The following NELL1 variants were observed in gnomAD, a reference collection of about 807,000 sequenced individuals.
The protein encoded by NELL1 is neural EGFL like 1.
Under a neutral mutation model 107.4 loss-of-function variants are expected in NELL1, and 76 were observed. The ratio of observed to expected loss-of-function variants is 0.71; its 90% CI spans 0.59 to 0.86. The LOEUF is 0.86. Ranked by LOEUF, NELL1 falls within the 40% of genes least tolerant of loss-of-function variation. NELL1 has a pLI of 0.00. For synonymous variants in NELL1, 353 were observed against 341.2 expected (o/e 1.03, Z -0.38); for missense variants, 1,024 against 1,005.5 (o/e 1.02, Z -0.25).
intron 15 of NELL1, among the ~76,000 whole-genome samples, chr11:21,517,714 A>G (rs1418221922): frequency 6.6e-6 from 1 of 152,118 alleles, no homozygotes; most frequent in African/African-American, 2.4e-5. Flanking sequence ...CTAAAAAGGG[A>G]TATACAGCAA....
At chr11:21,026,911 G>C (rs72939996) in intron 12 of NELL1, among the ~76,000 whole-genome samples, 7,483 of 152,166 alleles carry the variant, frequency 0.049, 246 homozygotes, top group Middle Eastern at 0.11. Context: ...TTGTATGCCA[G>C]CCCAGATTTT....
intron 12 of NELL1, among the ~76,000 whole-genome samples, chr11:21,091,512 A>T (rs578013492): frequency 2.0e-5 from 3 of 152,214 alleles, no homozygotes; most frequent in Non-Finnish European, 4.4e-5. Context: ...GACTAGGCAA[A>T]TAGGGAAAAT....
chr11:21,409,696 C>T (rs947489454), intron 15 of NELL1, among the ~76,000 whole-genome samples: 6 of 151,970 alleles, frequency 3.9e-5, no homozygotes, highest in African/African-American at 1.4e-4. Flanking sequence ...GATTTTCCGT[C>T]TCGAAATTAT....
chr11:20,993,017 G>A lies in NELL1; in HGVS notation c.1300+32457G>A, dbSNP rs191019869. ...TTTGACCACCTTCTAGAAGCTTTGTGTTAGGCGGTTTGTGGCAATCATTGC... is the reference window on the plus strand; with the variant it reads ...TTTGACCACCTTCTAGAAGCTTTGTATTAGGCGGTTTGTGGCAATCATTGC... On this transcript the variant is annotated intron_variant, in intron 12 of 19. Coordinates refer to ENST00000357134, the MANE Select transcript of NELL1 (RefSeq NM_006157.5). Among the ~76,000 whole-genome samples, 252 of 152,232 alleles carry A rather than the reference G, an allele frequency of 1.7e-3. 2 individuals carry two copies. The highest frequency in any genetic ancestry group is 5.7e-3 in the African/African-American group (235 of 41,524).
chr11:21,237,537 T>G (rs1320949466), intron 14 of NELL1, among the ~76,000 whole-genome samples: 2 of 152,108 alleles, frequency 1.3e-5, no homozygotes, highest in African/African-American at 4.8e-5. Context: ...CATTAAATAT[T>G]TTTTACTTGC....
intron 10 of NELL1, among the ~76,000 whole-genome samples, chr11:20,945,751 G>C (rs773738874): frequency 6.6e-6 from 1 of 152,150 alleles, no homozygotes; most frequent in Non-Finnish European, 1.5e-5. Context: ...CATCAGGTAG[G>C]GACACTTGCC....
At chr11:21,216,350 A>G (rs1163958111) in intron 13 of NELL1, among the ~76,000 whole-genome samples, 1 of 152,180 alleles carries the variant, frequency 6.6e-6, no homozygotes, top group Non-Finnish European at 1.5e-5. Flanking sequence ...GAGCCCCCAC[A>G]CGGAGTCCTC....
intron 5 of NELL1, among the ~76,000 whole-genome samples, chr11:20,911,066 G>A (rs1850120346): frequency 6.6e-6 from 1 of 152,164 alleles, no homozygotes; most frequent in African/African-American, 2.4e-5. Context: ...TAGTTATGAG[G>A]ATATGATTAA....
intron 13 of NELL1, among the ~76,000 whole-genome samples, chr11:21,214,321 A>G (rs966164609): frequency 2.0e-5 from 3 of 152,168 alleles, no homozygotes; most frequent in Non-Finnish European, 4.4e-5. Flanking sequence ...TGCTCAACCT[A>G]TATGTAAATA....
chr11:21,143,593 A>G (rs1344847055), intron 13 of NELL1, among the ~76,000 whole-genome samples: 1 of 152,178 alleles, frequency 6.6e-6, no homozygotes, highest in African/African-American at 2.4e-5. Context: ...AAACATAAAT[A>G]TATCACTTCA....
At chr11:20,793,342 G>T in intron 3 of NELL1, among the ~76,000 whole-genome samples, 1 of 151,696 alleles carries the variant, frequency 6.6e-6, no homozygotes, top group African/African-American at 2.4e-5. Context: ...TTATATTTGT[G>T]ATTTTTATCT....
chr11:21,451,720 A>G (rs1955065), intron 15 of NELL1, among the ~76,000 whole-genome samples: 134,824 of 152,196 alleles, frequency 0.89, 59,762 homozygotes, highest in East Asian at 0.98. Context: ...AACCTGACAA[A>G]TGCTAAAATG....
At chr11:21,169,739 C>A in intron 13 of NELL1, 1 of 916,612 alleles carries the variant, frequency 1.1e-6, no homozygotes, top group Non-Finnish European at 1.6e-6. Context: ...AGTCATGTGA[C>A]CAGTCTGACT....
intron 3 of NELL1, among the ~76,000 whole-genome samples, chr11:20,793,652 T>C (rs1294288910): frequency 6.6e-6 from 1 of 152,216 alleles, no homozygotes; most frequent in Non-Finnish European, 1.5e-5. Context: ...TACAGCCCAC[T>C]GATATTGCTA....
At chr11:20,820,521 C>G (rs1299450529) in intron 3 of NELL1, among the ~76,000 whole-genome samples, 1 of 152,134 alleles carries the variant, frequency 6.6e-6, no homozygotes, top group Non-Finnish European at 1.5e-5. Flanking sequence ...TTCTTCTCCA[C>G]TAATTCATAA....
intron 12 of NELL1, among the ~76,000 whole-genome samples, chr11:21,025,163 A>G (rs533144385): frequency 3.9e-5 from 6 of 152,080 alleles, no homozygotes; most frequent in Admixed American, 6.6e-5. Context: ...CCTGTACCTG[A>G]CATGGTTATT....
intron 15 of NELL1, among the ~76,000 whole-genome samples, chr11:21,503,789 T>C (rs1243969915): frequency 1.3e-5 from 2 of 152,082 alleles, no homozygotes; most frequent in Non-Finnish European, 2.9e-5. Flanking sequence ...TGAGTCTCCA[T>C]ATACTATTCT....
At chr11:20,764,725 T>A (rs922368608) in intron 2 of NELL1, among the ~76,000 whole-genome samples, 1 of 147,830 alleles carries the variant, frequency 6.8e-6, no homozygotes, top group Admixed American at 6.8e-5. Context: ...CTGGAGGGAG[T>A]TGGGAGGAGG....
At chr11:21,055,119 T>C (rs1853582694) in intron 12 of NELL1, among the ~76,000 whole-genome samples, 1 of 152,104 alleles carries the variant, frequency 6.6e-6, no homozygotes, top group Admixed American at 6.6e-5. Context: ...CCAGAACTAC[T>C]TATTAAATAA....
Sources: allele counts gnomAD v4.1 joint callset (sites outside exome capture counted in the v4.1 genomes callset), GRCh38; gene constraint gnomAD v4.1.1; transcripts MANE v1.5; gene names NCBI Gene and HGNC (gene_info 2026-07-23, HGNC 2026-07-21).